The following SCNN1A variants were observed in gnomAD, a reference collection of about 807,000 sequenced individuals.
The protein encoded by SCNN1A is epithelial sodium channel subunit alpha.
A neutral mutation model predicts 68.6 loss-of-function variants in SCNN1A; 65 were observed. That is an observed-to-expected ratio of 0.95 (90% CI 0.78 to 1.16). The LOEUF (loss-of-function observed/expected upper bound fraction) is 1.16, where lower values mean the gene tolerates loss of function less well. SCNN1A is among the 50% of genes most tolerant of loss of function. The probability of loss-of-function intolerance (pLI) is 0.00; values close to 1 mark genes in which losing one functional copy is unlikely to be tolerated. For synonymous variants in SCNN1A, 357 were observed against 353.3 expected, an observed-to-expected ratio of 1.01 and a Z score of -0.12; for missense variants, 880 against 865.9, an observed-to-expected ratio of 1.02 and a Z score of -0.20.
chr12:6,362,607 T>TC (rs1363587481), intron 3 of SCNN1A, among the ~76,000 whole-genome samples: 1 of 151,964 alleles, frequency 6.6e-6, no homozygotes, highest in Non-Finnish European at 1.5e-5. Context: ...AGGACTCCAG[T>TC]CCCCAGCCCA....
In SCNN1A at chr12:6,354,425, C is replaced by G; in HGVS notation, c.1360+13G>C. On this transcript the variant is annotated intron_variant, in intron 8 of 12. Transcript: ENST00000228916. ...GGTCAGTGGGGCAGGGTGGGGGCTCCCTGGAGTCTCACCCCAGGAACTGTG... is the reference window on the plus strand; with the variant it reads ...GGTCAGTGGGGCAGGGTGGGGGCTCGCTGGAGTCTCACCCCAGGAACTGTG... 1 of 1,583,436 alleles carries G rather than the reference C, an allele frequency of 6.3e-7. No homozygotes were observed. The highest frequency in any genetic ancestry group is 1.1e-5 in the South Asian group (1 of 90,428).
chr12:6,371,221 G>C (rs998973531), intron 2 of SCNN1A, among the ~76,000 whole-genome samples: 3 of 151,934 alleles, frequency 2.0e-5, no homozygotes, highest in Non-Finnish European at 4.4e-5. Flanking sequence ...CGATCTCCTC[G>C]GTAGGAGTCA....
chr12:6,350,213 A>G (rs1948357269), intron 8 of SCNN1A, among the ~76,000 whole-genome samples: 1 of 149,114 alleles, frequency 6.7e-6, no homozygotes, highest in South Asian at 2.1e-4. Context: ...CGGGTGGATC[A>G]CGAGGTCAAG....
chr12:6,371,330 G>T (rs919053942), intron 2 of SCNN1A, among the ~76,000 whole-genome samples: 6 of 151,846 alleles, frequency 4.0e-5, no homozygotes, highest in Admixed American at 3.9e-4. Flanking sequence ...CCTCCCTCCT[G>T]CACGCCTGAC....
At chr12:6,349,510 TTATTTAG>T in intron 8 of SCNN1A, 105 bp from the exon 9 acceptor site, 2 of 779,900 alleles carry the variant, frequency 2.6e-6, no homozygotes, top group Non-Finnish European at 4.5e-6. Context: ...TACAAGAGCA[TTATTTAG>T]CATTATAATG....
rs765409420 is a variant in SCNN1A, at chr12:6,363,435, G to C, written c.684+8C>G. 6.4e-7 allele frequency: 1 copy of C among 1,556,238 alleles called. No homozygotes were observed. Among genetic ancestry groups the C allele is most frequent in the East Asian group, 2.4e-5 (1 of 42,482 alleles). On this transcript the variant is annotated splice_region_variant and intron_variant, in intron 3 of 12. Transcript: ENST00000228916. ...GCGGGGCGGGCCCCTCGGCGCTGCG[G>C]GCCTCACCAGCTGGAAGCCGATCTT... is the stretch of plus-strand genomic sequence containing the variant.
intron 2 of SCNN1A, 190 bp from the exon 3 acceptor site, chr12:6,363,900 G>A (rs1157306234): frequency 2.1e-6 from 1 of 481,302 alleles, no homozygotes; most frequent in Non-Finnish European, 3.6e-6. Flanking sequence ...CCGCCGGGAA[G>A]GCGGAGGCCA....
chr12:6,355,708 G>A (rs1948485013), intron 5 of SCNN1A, 69 bp downstream of exon 5: 3 of 1,121,948 alleles, frequency 2.7e-6, no homozygotes, highest in Admixed American at 3.4e-5. Flanking sequence ...TCTAGGAGGT[G>A]AGCTCAAGGT....
chr12:6,347,211 A>G lies in SCNN1A; in HGVS notation c.*662T>C, dbSNP rs1460464570. The G allele has an allele frequency of 6.5e-6, 1 of 153,404 alleles. No individual in the cohort carries two copies. The highest frequency in any genetic ancestry group is 1.5e-5 in the Non-Finnish European group (1 of 68,942). 9.5% of individuals were successfully genotyped at this position (153,404 alleles called of 1,614,324 possible). On this transcript the variant is annotated 3_prime_UTR_variant, in exon 13 of 13. Coordinates refer to ENST00000228916, the MANE Select transcript of SCNN1A (RefSeq NM_001038.6). ...GAGGAAATATCTCAAGCAGACATGT[A>G]GAGGTATGAAAGACACAGGGCAGAG... is the stretch of plus-strand genomic sequence containing the variant.
intron 2 of SCNN1A, among the ~76,000 whole-genome samples, chr12:6,366,702 A>G (rs1948684902): frequency 6.6e-6 from 1 of 152,062 alleles, no homozygotes; most frequent in Non-Finnish European, 1.5e-5. Flanking sequence ...CGGGAGGCTG[A>G]GGCAGGAGAA....
At chr12:6,363,992 C>T (rs1948632828) in intron 2 of SCNN1A, 1 of 318,014 alleles carries the variant, frequency 3.1e-6, no homozygotes, top group South Asian at 1.1e-4. Flanking sequence ...GGCGCTCTCC[C>T]CCTCGCCCGG....
At chr12:6,376,171 G>A (rs976655282), upstream of SCNN1A, 2 of 985,558 alleles carry the variant, frequency 2.0e-6, no homozygotes, top group Non-Finnish European at 1.2e-6. Context: ...TCTCCTCCCC[G>A]CTCACTAAGT....
intron 4 of SCNN1A, among the ~76,000 whole-genome samples, chr12:6,361,850 G>A (rs927033796): frequency 5.3e-5 from 8 of 152,270 alleles, no homozygotes; most frequent in Admixed American, 1.3e-4. Context: ...CTCAGATCCA[G>A]CAGTGCAGGG....
intron 12 of SCNN1A, 115 bp downstream of exon 12, chr12:6,348,612 C>T (rs1274140006): frequency 2.0e-6 from 2 of 987,064 alleles, no homozygotes; most frequent in Non-Finnish European, 3.2e-6. Flanking sequence ...TGGTCCCCTG[C>T]CTTTGAGACT....
At chr12:6,366,106 G>A (rs904395285) in intron 2 of SCNN1A, among the ~76,000 whole-genome samples, 11 of 151,864 alleles carry the variant, frequency 7.2e-5, no homozygotes, top group Admixed American at 7.2e-4. Flanking sequence ...CGCCCGTCTC[G>A]GCCTCCCAAT....
upstream of SCNN1A, chr12:6,375,578 T>A: frequency 6.8e-7 from 1 of 1,473,800 alleles, no homozygotes; most frequent in Admixed American, 2.0e-5. Context: ...GGAATCTCAT[T>A]AGCATCTCAA....
chr12:6,364,729 T>G lies in SCNN1A; in HGVS notation c.417-1019A>C, dbSNP rs570263625. The stretch of plus-strand genomic sequence containing the variant: ...GTGAGCCGAGATCGCGCCACTACAC[T>G]CCAGCCTGGGAGACAGAGCGAGACT... On this transcript the variant is annotated intron_variant, in intron 2 of 12. Coordinates refer to ENST00000228916, the MANE Select transcript of SCNN1A (RefSeq NM_001038.6). Among the ~76,000 whole-genome samples the G allele has an allele frequency of 4.0e-5, 6 of 149,724 alleles. No homozygotes were observed. The East Asian group carries it at 1.2e-3, about 29-fold the overall frequency.
chr12:6,360,025 T>G (rs1260821466), intron 4 of SCNN1A, among the ~76,000 whole-genome samples: 1 of 152,144 alleles, frequency 6.6e-6, no homozygotes, highest in Non-Finnish European at 1.5e-5. Context: ...CCCATCTCGG[T>G]CTCCCAAAGT....
chr12:6,377,337 G>A, upstream of SCNN1A: 3 of 1,361,550 alleles, frequency 2.2e-6, no homozygotes, highest in South Asian at 1.3e-5. Context: ...CCCTTCCCAA[G>A]GATAAATCAG....
Sources: gnomAD v4.1 joint callset for allele counts (sites outside exome capture counted in the v4.1 genomes callset) on GRCh38, gnomAD v4.1.1 for gene constraint, MANE v1.5 for transcripts, NCBI Gene and HGNC (gene_info 2026-07-23, HGNC 2026-07-21) for gene names.